Variants in SUSD1 observed in about 807,000 individuals in gnomAD.
SUSD1 encodes sushi domain containing 1.
In SUSD1, 65 loss-of-function variants were observed where a neutral mutation model predicts 86.9. The ratio of observed to expected loss-of-function variants is 0.75; its 90% CI spans 0.61 to 0.92. SUSD1 has a LOEUF of 0.92. SUSD1 is among the 40% of genes least tolerant of loss of function. The probability of loss-of-function intolerance (pLI) is 0.00; values close to 1 mark genes in which losing one functional copy is unlikely to be tolerated. For synonymous variants in SUSD1, 346 were observed against 350.0 expected (o/e 0.99, Z 0.13); for missense variants, 850 against 929.7 (o/e 0.91, Z 1.11).
chr9:112,069,527 A>C (rs181773549), intron 12 of SUSD1, among the ~76,000 whole-genome samples: 2 of 152,290 alleles, frequency 1.3e-5, no homozygotes, highest in East Asian at 3.9e-4. Context: ...TTTGAGATCG[A>C]ACTGCCCTCA....
At chr9:112,110,119 T>C (rs1429209006) in intron 8 of SUSD1, among the ~76,000 whole-genome samples, 1 of 152,086 alleles carries the variant, frequency 6.6e-6, no homozygotes, top group African/African-American at 2.4e-5. Flanking sequence ...GAGGCTGAGA[T>C]GGGCAGATCA....
chr9:112,141,046 T>G (rs571356120), intron 5 of SUSD1, among the ~76,000 whole-genome samples: 158 of 152,340 alleles, frequency 1.0e-3, no homozygotes, highest in Non-Finnish European at 2.1e-3. Flanking sequence ...CTTGCAGGAC[T>G]GGAAGTTGGT....
At chr9:112,160,769 CAG>C (rs1297965871) in intron 1 of SUSD1, among the ~76,000 whole-genome samples, 3 of 146,680 alleles carry the variant, frequency 2.0e-5, no homozygotes, top group African/African-American at 7.8e-5. Flanking sequence ...GCCCAGGAAG[CAG>C]AGTCTTTGCA....
chr9:112,080,026 C>A, intron 11 of SUSD1, 48 bp downstream of exon 11: 1 of 1,389,536 alleles, frequency 7.2e-7, no homozygotes, highest in South Asian at 1.2e-5. Context: ...TTTTAAGCCT[C>A]CCACATAAGA....
At chr9:112,066,844 T>C (rs1327192946) in intron 12 of SUSD1, among the ~76,000 whole-genome samples, 1 of 151,898 alleles carries the variant, frequency 6.6e-6, no homozygotes, top group Non-Finnish European at 1.5e-5. Context: ...AAAAGAGCAA[T>C]CTGTTTAGGA....
intron 12 of SUSD1, among the ~76,000 whole-genome samples, chr9:112,063,300 T>C (rs1459532150): frequency 1.3e-5 from 2 of 152,034 alleles, no homozygotes; most frequent in East Asian, 1.9e-4. Context: ...GGAGGGGGCA[T>C]GTAGGGAATG....
At chr9:112,067,807 C>A (rs1589604200) in intron 12 of SUSD1, among the ~76,000 whole-genome samples, 1 of 151,884 alleles carries the variant, frequency 6.6e-6, no homozygotes, top group Admixed American at 6.6e-5. Context: ...TGAATGCCTC[C>A]CCCCCAATCC....
chr9:112,111,516 T>C (rs1476873792), intron 8 of SUSD1, 138 bp downstream of exon 8: 6 of 1,128,106 alleles, frequency 5.3e-6, no homozygotes, highest in Non-Finnish European at 5.0e-6. Context: ...TCTAGTTCTG[T>C]GGCTGGAGCA....
chr9:112,102,420 T>G, intron 8 of SUSD1, 135 bp from the exon 9 acceptor site: 1 of 447,810 alleles, frequency 2.2e-6, no homozygotes, highest in Non-Finnish European at 4.0e-6. Flanking sequence ...AAAACTGGCA[T>G]CAGCAGACTT....
rs1830660553 is a variant in SUSD1 at position 112,102,180 on chromosome 9, T to C, written c.1277A>G (p.Tyr426Cys). The C allele has an allele frequency of 1.3e-6, 2 of 1,562,626 alleles. No homozygotes were observed. Among genetic ancestry groups the C allele is most frequent in the Non-Finnish European group, 1.7e-6 (2 of 1,152,154 alleles). ...RSRKVGSEHM[Y>C]QFTVLGQRWY... ...AAGCATAAGAGATCTCCTTACTTGG[T>C]ACATGTGTTCTGATCCAACTTTCCT... Residue 426 changes from tyrosine (Y) to cysteine (C), a missense_variant, in exon 9 of 17, where the codon TAC becomes TGC. Tyr to Cys is a radical substitution (Grantham distance 194, BLOSUM62 -2). Transcript: ENST00000374270.
At chr9:112,128,359 G>A (rs554173575) in intron 5 of SUSD1, among the ~76,000 whole-genome samples, 19 of 151,724 alleles carry the variant, frequency 1.3e-4, no homozygotes, top group African/African-American at 3.4e-4. Flanking sequence ...CTCCCAAAGT[G>A]CTAGGATTAT....
intron 5 of SUSD1, among the ~76,000 whole-genome samples, chr9:112,136,500 C>T (rs1276047899): frequency 6.6e-6 from 1 of 152,192 alleles, no homozygotes; most frequent in Non-Finnish European, 1.5e-5. Flanking sequence ...TCCCAAAGTG[C>T]TAGGATTATA....
chr9:112,098,524 G>A lies in SUSD1; in HGVS notation c.1420C>T (p.Leu474=). The A allele has an allele frequency of 6.2e-7, 1 of 1,614,178 alleles. No homozygotes were observed. Among genetic ancestry groups the A allele is most frequent in the African/African-American group, 1.3e-5 (1 of 75,044 alleles). ...ACTGAGTGCCGCTTAGGAGATCTCAGCAGGGTCACATTCACCGTATAATCA... is the reference window on the plus strand; with the variant it reads ...ACTGAGTGCCGCTTAGGAGATCTCAACAGGGTCACATTCACCGTATAATCA... ...TTDYTVNVTL[L]RSPKRHSVQI... The change falls in exon 10 of 17, where the codon CTG becomes TTG. Residue 474 remains leucine (L), a synonymous_variant. Coordinates refer to ENST00000374270, the MANE Select transcript of SUSD1 (RefSeq NM_022486.5).
intron 2 of SUSD1, among the ~76,000 whole-genome samples, chr9:112,149,980 C>T (rs1016749308): frequency 1.3e-5 from 2 of 152,208 alleles, no homozygotes; most frequent in Non-Finnish European, 2.9e-5. Flanking sequence ...AACATGGATG[C>T]TCGATGAGTC....
At chr9:112,078,802 T>G in intron 11 of SUSD1, 78 bp from the exon 12 acceptor site, 1 of 1,249,594 alleles carries the variant, frequency 8.0e-7, no homozygotes, top group Non-Finnish European at 1.1e-6. Flanking sequence ...CCTTTTCCTT[T>G]TTCTTTCTCT....
intron 8 of SUSD1, among the ~76,000 whole-genome samples, chr9:112,109,463 T>C (rs991026190): frequency 1.3e-4 from 20 of 152,224 alleles, no homozygotes; most frequent in African/African-American, 3.9e-4. Context: ...TGTGGAAACA[T>C]ACCTTGCTCC....
chr9:112,087,342 T>C (rs548146724), intron 10 of SUSD1, among the ~76,000 whole-genome samples: 73 of 152,142 alleles, frequency 4.8e-4, no homozygotes, highest in Non-Finnish European at 5.9e-4. Context: ...CCACCAAGCC[T>C]GGCTAATTTT....
intron 15 of SUSD1, among the ~76,000 whole-genome samples, chr9:112,050,807 G>C (rs1380154138): frequency 6.6e-6 from 1 of 152,192 alleles, no homozygotes; most frequent in African/African-American, 2.4e-5. Flanking sequence ...TTAAAGAAAT[G>C]TACTGTACTG....
chr9:112,088,984 C>G (rs1474952905), intron 10 of SUSD1, among the ~76,000 whole-genome samples: 1 of 152,070 alleles, frequency 6.6e-6, no homozygotes, highest in Non-Finnish European at 1.5e-5. Flanking sequence ...GCTTATGCCT[C>G]TAGTCCCAGC....
Sources: gnomAD v4.1 joint callset for allele counts (sites outside exome capture counted in the v4.1 genomes callset) on GRCh38, gnomAD v4.1.1 for gene constraint, MANE v1.5 for transcripts, NCBI Gene and HGNC (gene_info 2026-07-23, HGNC 2026-07-21) for gene names.